The following ASTN1 variants were observed in gnomAD, a reference collection of about 807,000 sequenced individuals.
The protein encoded by ASTN1 is astrotactin-1.
ASTN1 carries 41 observed loss-of-function variants against 140.7 expected under a neutral mutation model. The observed-to-expected ratio is 0.29, with a 90% CI of 0.23 to 0.38. ASTN1 has a LOEUF of 0.38. ASTN1 is among the 10% of genes least tolerant of loss of function. The probability of loss-of-function intolerance (pLI) is 1.00; values close to 1 mark genes in which losing one functional copy is unlikely to be tolerated. For missense variants in ASTN1, 1,479 were observed against 1,678.8 expected (o/e 0.88, Z 2.08); for synonymous variants, 640 against 652.2 (o/e 0.98, Z 0.29).
At chr1:176,944,173 G>T (rs1315348236) in intron 13 of ASTN1, among the ~76,000 whole-genome samples, 155 bp from the exon 14 acceptor site, 43 of 152,026 alleles carry the variant, frequency 2.8e-4, no homozygotes, top group Admixed American at 2.8e-3. Context: ...TGCCTCCAGG[G>T]TTCAAGCAAT....
chr1:177,023,829 AG>A (rs36090583), intron 6 of ASTN1, among the ~76,000 whole-genome samples: 1 of 152,154 alleles, frequency 6.6e-6, no homozygotes, highest in African/African-American at 2.4e-5. Flanking sequence ...CCGTCTTTCC[AG>A]GGAGTTCCTA....
Position 176,888,201 on chromosome 1 carries a change from A to G in ASTN1, c.2944T>C (p.Leu982=). The G allele has an allele frequency of 6.2e-7, 1 of 1,613,928 alleles. No individual in the cohort carries two copies. Among genetic ancestry groups the G allele is most frequent in the Non-Finnish European group, 8.5e-7 (1 of 1,179,964 alleles). The change falls in exon 18 of 23, where the codon TTG becomes CTG. Residue 982 remains leucine (L), a synonymous_variant. Transcript: ENST00000361833. ...LVTNNQTQRL[L]QEATMSSLWC... ...AGAGAGCTCATGGTAGCCTCCTGCAAGAGCTGCATAAGAGAACAGGGAAAA... is the reference window on the plus strand; with the variant it reads ...AGAGAGCTCATGGTAGCCTCCTGCAGGAGCTGCATAAGAGAACAGGGAAAA...
At chr1:177,102,941 G>A (rs1680369130) in intron 1 of ASTN1, among the ~76,000 whole-genome samples, 1 of 152,182 alleles carries the variant, frequency 6.6e-6, no homozygotes, top group African/African-American at 2.4e-5. Context: ...CTGGGAACAG[G>A]CTATTCTCTA....
intron 8 of ASTN1, among the ~76,000 whole-genome samples, chr1:176,989,463 C>A (rs1270482372): frequency 6.6e-6 from 1 of 152,132 alleles, no homozygotes; most frequent in African/African-American, 2.4e-5. Context: ...AAAACATAAA[C>A]CTGGCAACTC....
intron 2 of ASTN1, among the ~76,000 whole-genome samples, chr1:177,035,589 T>G (rs571829826): frequency 6.6e-6 from 1 of 152,324 alleles, no homozygotes; most frequent in African/African-American, 2.4e-5. Flanking sequence ...ACAGGACTAT[T>G]TGTGTCACTA....
At chr1:177,110,032 C>T (rs927340452) in intron 1 of ASTN1, among the ~76,000 whole-genome samples, 1 of 152,048 alleles carries the variant, frequency 6.6e-6, no homozygotes, top group Non-Finnish European at 1.5e-5. Context: ...CTTATTTGTC[C>T]CCCTTTCTCC....
intron 1 of ASTN1, among the ~76,000 whole-genome samples, chr1:177,136,690 C>T (rs948694462): frequency 6.6e-6 from 1 of 152,168 alleles, no homozygotes; most frequent in South Asian, 2.1e-4. Flanking sequence ...ATCTTCCTGG[C>T]TGTGCTCTTA....
intron 1 of ASTN1, among the ~76,000 whole-genome samples, chr1:177,119,262 T>C (rs1681258572): frequency 6.6e-6 from 1 of 152,248 alleles, no homozygotes; most frequent in African/African-American, 2.4e-5. Flanking sequence ...TGTACAGTGC[T>C]GGTGCCTAGT....
At chr1:176,982,738 C>A (rs1673681078) in intron 8 of ASTN1, among the ~76,000 whole-genome samples, 1 of 151,910 alleles carries the variant, frequency 6.6e-6, no homozygotes, top group Non-Finnish European at 1.5e-5. Context: ...TTTAACGTAC[C>A]CAAAGAGATT....
At chr1:177,116,258 C>A (rs1375841657) in intron 1 of ASTN1, among the ~76,000 whole-genome samples, 1 of 152,010 alleles carries the variant, frequency 6.6e-6, no homozygotes, top group Non-Finnish European at 1.5e-5. Flanking sequence ...ACTGAGACTG[C>A]CAAAGAGATA....
At chr1:176,948,869 A>G (rs1672066689) in intron 12 of ASTN1, among the ~76,000 whole-genome samples, 1 of 152,230 alleles carries the variant, frequency 6.6e-6, no homozygotes, top group Admixed American at 6.5e-5. Flanking sequence ...GCCTTTCAAA[A>G]CACAACTTGG....
At chr1:177,046,375 A>G (rs1329319444) in intron 2 of ASTN1, among the ~76,000 whole-genome samples, 1 of 152,254 alleles carries the variant, frequency 6.6e-6, no homozygotes. Flanking sequence ...TATCAAATGC[A>G]CTTGGCACAT....
chr1:176,860,245 G>A (rs1386089649), downstream of ASTN1, among the ~76,000 whole-genome samples: 4 of 152,334 alleles, frequency 2.6e-5, no homozygotes, highest in Admixed American at 2.0e-4. Flanking sequence ...TCCAAAGGGA[G>A]AGGCAGTAGA....
At chr1:177,112,779 C>A (rs557177701) in intron 1 of ASTN1, among the ~76,000 whole-genome samples, 1 of 152,322 alleles carries the variant, frequency 6.6e-6, no homozygotes, top group Non-Finnish European at 1.5e-5. Flanking sequence ...ACAGCTTAGA[C>A]AGTCCCTGGT....
chr1:177,008,905 A>G (rs1170158811), intron 8 of ASTN1, among the ~76,000 whole-genome samples: 1 of 152,146 alleles, frequency 6.6e-6, no homozygotes, highest in Non-Finnish European at 1.5e-5. Context: ...ATCTTGTTTG[A>G]GAGGTCGGAT....
At chr1:176,959,168 G>C (rs549268831) in intron 9 of ASTN1, among the ~76,000 whole-genome samples, 1 of 152,278 alleles carries the variant, frequency 6.6e-6, no homozygotes, top group East Asian at 1.9e-4. Context: ...TCAAGGGAGA[G>C]CTTAAGAAAA....
At chr1:177,112,796 G>C (rs1285012034) in intron 1 of ASTN1, among the ~76,000 whole-genome samples, 2 of 152,160 alleles carry the variant, frequency 1.3e-5, no homozygotes, top group East Asian at 3.9e-4. Flanking sequence ...TGGTAGCCCA[G>C]AATCCTTCTC....
chr1:176,888,712 T>C (rs1276497982), intron 17 of ASTN1, among the ~76,000 whole-genome samples: 1 of 152,204 alleles, frequency 6.6e-6, no homozygotes, highest in Non-Finnish European at 1.5e-5. Flanking sequence ...CCTTGGGTTG[T>C]GACTTGGCAT....
chr1:176,936,297 G>C lies in ASTN1; in HGVS notation c.2451C>G (p.His817Gln), dbSNP rs753433604. The C allele has an allele frequency of 3.7e-6, 6 of 1,613,956 alleles. No individual in the cohort carries two copies. The highest frequency in any genetic ancestry group is 5.1e-6 in the Non-Finnish European group (6 of 1,179,982). Residue 817 changes from histidine to glutamine, a missense_variant, in exon 15 of 23, where the codon CAC (histidine) becomes CAG (glutamine). Physicochemically the swap from His to Gln is conservative, Grantham distance 24. Coordinates refer to ENST00000361833, the MANE Select transcript of ASTN1 (RefSeq NM_004319.3). ...QHWKVRSVMYHIKLNQVAISQ... is the reference protein window; with the variant it reads ...QHWKVRSVMYQIKLNQVAISQ... ...AGATGGCCACTTGGTTGAGTTTGAT[G>C]TGGTACATCACAGACCGGACCTTCC...
Sources: allele counts gnomAD v4.1 joint callset (sites outside exome capture counted in the v4.1 genomes callset), GRCh38; gene constraint gnomAD v4.1.1; transcripts MANE v1.5; gene names NCBI Gene and HGNC (gene_info 2026-07-23, HGNC 2026-07-21).